RICTOR: variants seen among roughly 807,000 people sequenced by gnomAD.
RICTOR encodes RPTOR independent companion of MTOR complex 2, also known as rapamycin-insensitive companion of mTOR.
A neutral mutation model predicts 214.9 loss-of-function variants in RICTOR; 49 were observed. The ratio of observed to expected loss-of-function variants is 0.23; its 90% CI spans 0.18 to 0.29. The LOEUF is 0.29. Ranked by LOEUF, RICTOR falls within the 10% of genes least tolerant of loss-of-function variation. The pLI is 1.00. For synonymous variants in RICTOR, 717 were observed against 711.3 expected, an observed-to-expected ratio of 1.01 and a Z score of -0.13; for missense variants, 1,625 against 2,047.0, an observed-to-expected ratio of 0.79 and a Z score of 3.98.
intron 2 of RICTOR, among the ~76,000 whole-genome samples, chr5:39,063,033 T>C (rs1758662723): frequency 6.6e-6 from 1 of 152,178 alleles, no homozygotes; most frequent in South Asian, 2.1e-4. Flanking sequence ...ATCCCATTTA[T>C]ATTCTATTTC....
chr5:38,944,350 A>C, intron 36 of RICTOR, 96 bp downstream of exon 36: 2 of 1,270,076 alleles, frequency 1.6e-6, no homozygotes, highest in South Asian at 2.5e-5. Flanking sequence ...CTACTGATGT[A>C]AGTTAACTAG....
At chr5:39,012,908 T>C (rs1754651519) in intron 3 of RICTOR, among the ~76,000 whole-genome samples, 1 of 152,136 alleles carries the variant, frequency 6.6e-6, no homozygotes, top group South Asian at 2.1e-4. Flanking sequence ...TATACAAAGA[T>C]GCTAAGAGAG....
intron 2 of RICTOR, among the ~76,000 whole-genome samples, chr5:39,057,512 G>A (rs1758280782): frequency 6.6e-6 from 1 of 151,962 alleles, no homozygotes; most frequent in Non-Finnish European, 1.5e-5. Context: ...TTTATTCTAA[G>A]GAAAGTCATT....
Position 38,950,044 on chromosome 5 carries a change from G to A in RICTOR, c.3804C>T (p.His1268=), listed in dbSNP as rs1158457597. The A allele has an allele frequency of 6.2e-7, 1 of 1,613,268 alleles. No homozygotes were observed. The highest frequency in any genetic ancestry group is 8.5e-7 in the Non-Finnish European group (1 of 1,179,582). The change falls in exon 31 of 38, where the codon CAC becomes CAT. Residue 1268 remains histidine, a synonymous_variant. Transcript: ENST00000357387. The part of the protein sequence containing the change: ...VVSTKTIKTS[H]YLTPQSNHLS... ...GATGGTTAGACTGTGGCGTCAAATAGTGGCTTGTCTTAATAGTTTTAGTAC... is the reference window on the plus strand; with the variant it reads ...GATGGTTAGACTGTGGCGTCAAATAATGGCTTGTCTTAATAGTTTTAGTAC...
chr5:38,996,913 T>C (rs1487955932), intron 5 of RICTOR, 31 bp from the exon 6 acceptor site: 1 of 1,507,188 alleles, frequency 6.6e-7, no homozygotes, highest in South Asian at 1.1e-5. Context: ...TAATCATTGA[T>C]AAAATTCTAT....
chr5:38,950,383 T>G lies in RICTOR; in HGVS notation c.3465A>C (p.Lys1155Asn). Residue 1155 changes from lysine to asparagine, a missense_variant, in exon 31 of 38, where the codon AAA becomes AAC. Physicochemically the swap from Lys to Asn is moderately conservative, Grantham distance 94. Coordinates refer to ENST00000357387, the MANE Select transcript of RICTOR (RefSeq NM_152756.5). ...TAAATGAAGTCTCTAATTGTAATGT[T>G]TTCTGTACAGTGGATATGGGTGTAA... ...DDFTPISTVQ[K>N]TLQLETSFMG... 6.2e-7 allele frequency: 1 copy of G among 1,613,408 alleles called. No individual in the cohort carries two copies. The highest frequency in any genetic ancestry group is 8.5e-7 in the Non-Finnish European group (1 of 1,179,516).
intron 3 of RICTOR, among the ~76,000 whole-genome samples, chr5:39,009,400 G>A (rs1754319341): frequency 6.6e-6 from 1 of 152,116 alleles, no homozygotes. Flanking sequence ...TTTAAAAAGT[G>A]TTTAGAGAGG....
chr5:39,018,701 G>C (rs562774337), intron 3 of RICTOR, among the ~76,000 whole-genome samples: 85 of 152,100 alleles, frequency 5.6e-4, no homozygotes, highest in African/African-American at 2.0e-3. Flanking sequence ...AGCTGTTCTT[G>C]TCTCTCCCTC....
chr5:39,034,731 C>T (rs1306564478), intron 2 of RICTOR, among the ~76,000 whole-genome samples: 5 of 152,224 alleles, frequency 3.3e-5, no homozygotes, highest in Non-Finnish European at 5.9e-5. Context: ...GCACAGCAGT[C>T]TGAGATCAAA....
In RICTOR at chr5:38,962,301, T is replaced by C; in HGVS notation, c.1715+14A>G. On this transcript the variant is annotated intron_variant, in intron 19 of 37. Transcript: ENST00000357387. ...AAGTTCTTTAAATTTAAATGCAAAA[T>C]AGTTCTTACATACCTGTGTAACTGT... is the stretch of plus-strand genomic sequence containing the variant. 1 of 1,313,974 alleles carries C rather than the reference T, an allele frequency of 7.6e-7. No homozygotes were observed. Among genetic ancestry groups the C allele is most frequent in the South Asian group, 1.3e-5 (1 of 75,584 alleles). The allele number at this position is 1,313,974 out of a possible 1,614,324, so 81.4% of individuals were successfully genotyped here. A position where few individuals can be genotyped will look rare whatever the true frequency, so the allele number is the denominator to read the frequency against.
At chr5:39,019,014 T>C (rs549925228) in intron 3 of RICTOR, among the ~76,000 whole-genome samples, 3 of 152,254 alleles carry the variant, frequency 2.0e-5, no homozygotes, top group South Asian at 4.1e-4. Context: ...GTGGTCCAGA[T>C]AGAAGATTAA....
intron 7 of RICTOR, among the ~76,000 whole-genome samples, chr5:38,987,951 A>G (rs1021397243): frequency 1.3e-5 from 2 of 152,078 alleles, no homozygotes; most frequent in African/African-American, 4.8e-5. Context: ...TTCTGCTTTA[A>G]TTTCATTATT....
At chr5:39,057,120 C>T (rs1300664517) in intron 2 of RICTOR, among the ~76,000 whole-genome samples, 1 of 152,014 alleles carries the variant, frequency 6.6e-6, no homozygotes, top group Non-Finnish European at 1.5e-5. Context: ...AATTTGAGTC[C>T]GATTATATCT....
At position 38,942,819 on chromosome 5, in the gene RICTOR, C is replaced by A; in HGVS notation, c.5052+14G>T. The A allele has an allele frequency of 1.3e-6, 2 of 1,565,380 alleles. No homozygotes were observed. The highest frequency in any genetic ancestry group is 1.8e-6 in the Non-Finnish European group (2 of 1,135,996). Reference sequence around the variant, plus strand: ...TCTTGGAAGATAAATTTGAGAAGTACTAATCATACTTACTTGTAGAAACTG... The same window carrying A: ...TCTTGGAAGATAAATTTGAGAAGTAATAATCATACTTACTTGTAGAAACTG... On this transcript the variant is annotated intron_variant, in intron 37 of 37. Coordinates refer to ENST00000357387, the MANE Select transcript of RICTOR (RefSeq NM_152756.5).
In RICTOR at chr5:38,942,082, A is replaced by G. The variant is rs1049293542; in HGVS notation, c.*222T>C. On this transcript the variant is annotated 3_prime_UTR_variant, in exon 38 of 38. Coordinates refer to ENST00000357387, the MANE Select transcript of RICTOR (RefSeq NM_152756.5). ...AACTGAAACTCTTAAAACTGTGGTA[A>G]TGAATCATGAACCCCTCAAAAGGCT... 2 of 382,576 alleles carry G rather than the reference A, an allele frequency of 5.2e-6. No homozygotes were observed. Among genetic ancestry groups the G allele is most frequent in the African/African-American group, 2.1e-5 (1 of 48,590 alleles). 23.7% of individuals were successfully genotyped at this position (382,576 alleles called of 1,614,324 possible). A position where few individuals can be genotyped will look rare whatever the true frequency, so the allele number is the denominator to read the frequency against.
chr5:39,018,304 G>GA (rs1580113470), intron 3 of RICTOR, among the ~76,000 whole-genome samples: 1 of 152,058 alleles, frequency 6.6e-6, no homozygotes, highest in Non-Finnish European at 1.5e-5. Flanking sequence ...CAGGAAAAGA[G>GA]AAAGTTATAA....
At chr5:38,953,832 C>A (rs1462505210) in intron 27 of RICTOR, among the ~76,000 whole-genome samples, 1 of 151,756 alleles carries the variant, frequency 6.6e-6, no homozygotes, top group Non-Finnish European at 1.5e-5. Context: ...ATAACATTTG[C>A]ATCATAAGGT....
chr5:39,012,340 C>T (rs1354792429), intron 3 of RICTOR, among the ~76,000 whole-genome samples: 4 of 152,144 alleles, frequency 2.6e-5, no homozygotes, highest in Non-Finnish European at 4.4e-5. Flanking sequence ...CCCTTTCCAC[C>T]ATGATTGTAA....
chr5:38,989,491 A>G (rs1752427352), intron 7 of RICTOR, among the ~76,000 whole-genome samples: 1 of 152,226 alleles, frequency 6.6e-6, no homozygotes, highest in South Asian at 2.1e-4. Flanking sequence ...ACAAAAGCCA[A>G]AATTGACAAA....
Sources: allele counts gnomAD v4.1 joint callset (sites outside exome capture counted in the v4.1 genomes callset), GRCh38; gene constraint gnomAD v4.1.1; transcripts MANE v1.5; gene names NCBI Gene and HGNC (gene_info 2026-07-23, HGNC 2026-07-21).